KIAA0825: variants seen among roughly 807,000 people sequenced by gnomAD.
The protein encoded by KIAA0825 is KIAA0825, also known as uncharacterized protein KIAA0825.
Under a neutral mutation model 147.6 loss-of-function variants are expected in KIAA0825, and 119 were observed. That is an observed-to-expected ratio of 0.81 (90% CI 0.69 to 0.94). The LOEUF (loss-of-function observed/expected upper bound fraction) is 0.94. KIAA0825 is among the 40% of genes least tolerant of loss of function. The pLI is 0.00. For missense variants in KIAA0825, 1,381 were observed against 1,472.7 expected (o/e 0.94, Z 1.02); for synonymous variants, 470 against 518.1 (o/e 0.91, Z 1.26).
chr5:94,371,664 C>T (rs979416935), intron 20 of KIAA0825, among the ~76,000 whole-genome samples: 3 of 152,150 alleles, frequency 2.0e-5, no homozygotes, highest in Non-Finnish European at 4.4e-5. Context: ...GAGTCCCTCC[C>T]ACAACACGGG....
intron 20 of KIAA0825, among the ~76,000 whole-genome samples, chr5:94,183,374 G>C (rs1309881837): frequency 6.6e-6 from 1 of 152,176 alleles, no homozygotes; most frequent in East Asian, 1.9e-4. Flanking sequence ...GATAATAGGA[G>C]CATGTTTTGT....
At chr5:94,294,865 A>C (rs767889001) in intron 20 of KIAA0825, among the ~76,000 whole-genome samples, 2 of 152,016 alleles carry the variant, frequency 1.3e-5, no homozygotes, top group Non-Finnish European at 2.9e-5. Flanking sequence ...TGTTTCCTTC[A>C]TTTCAACCTA....
intron 20 of KIAA0825, among the ~76,000 whole-genome samples, chr5:94,342,047 T>G (rs1782447063): frequency 1.3e-5 from 2 of 151,848 alleles, no homozygotes; most frequent in Non-Finnish European, 2.9e-5. Context: ...CAAAAAGAAG[T>G]TAGCCGGGCG....
chr5:94,164,840 C>G (rs1418442695), intron 20 of KIAA0825, among the ~76,000 whole-genome samples: 1 of 151,902 alleles, frequency 6.6e-6, no homozygotes, highest in African/African-American at 2.4e-5. Context: ...CCATCTCTCG[C>G]CATATAAAAA....
intron 2 of KIAA0825, among the ~76,000 whole-genome samples, chr5:94,555,227 CAATGACTACAT>C (rs1206512196): frequency 6.6e-6 from 1 of 152,080 alleles, no homozygotes; most frequent in African/African-American, 2.4e-5. Flanking sequence ...AGCCTTCCCC[CAATGACTACAT>C]AAACACTCCA....
At chr5:94,598,937 G>A (rs536836392) in intron 1 of KIAA0825, among the ~76,000 whole-genome samples, 10 of 152,142 alleles carry the variant, frequency 6.6e-5, no homozygotes, top group African/African-American at 2.2e-4. Context: ...TAAACATGGG[G>A]GTGAAGGTAT....
At chr5:94,592,216 A>G (rs1784480403) in intron 1 of KIAA0825, among the ~76,000 whole-genome samples, 1 of 152,212 alleles carries the variant, frequency 6.6e-6, no homozygotes, top group Non-Finnish European at 1.5e-5. Flanking sequence ...TCCACCTATG[A>G]GCGTATAAAA....
chr5:94,380,914 C>T (rs938765497), intron 20 of KIAA0825, among the ~76,000 whole-genome samples: 4 of 152,204 alleles, frequency 2.6e-5, no homozygotes, highest in African/African-American at 4.8e-5. Flanking sequence ...CCTTTGCAGT[C>T]AGCACAGAAC....
chr5:94,287,654 G>A (rs1316117467), intron 20 of KIAA0825, among the ~76,000 whole-genome samples: 1 of 152,134 alleles, frequency 6.6e-6, no homozygotes. Context: ...TTTAGAAGCT[G>A]AAGAAAATTA....
chr5:94,517,248 C>T (rs1767413760), intron 5 of KIAA0825, among the ~76,000 whole-genome samples: 1 of 152,150 alleles, frequency 6.6e-6, no homozygotes, highest in Admixed American at 6.5e-5. Flanking sequence ...TTTTGGCTTA[C>T]TATCTGTGTG....
chr5:94,535,482 C>A (rs1019358759), intron 3 of KIAA0825, among the ~76,000 whole-genome samples: 1 of 134,870 alleles, frequency 7.4e-6, no homozygotes, highest in African/African-American at 3.0e-5. Flanking sequence ...TGTACTCCAG[C>A]CTGGGTGACT....
intron 20 of KIAA0825, among the ~76,000 whole-genome samples, chr5:94,177,069 T>C (rs957921336): frequency 6.6e-6 from 1 of 152,092 alleles, no homozygotes; most frequent in Non-Finnish European, 1.5e-5. Flanking sequence ...TGGAAAATGA[T>C]AGGAATAATC....
intron 5 of KIAA0825, among the ~76,000 whole-genome samples, chr5:94,511,506 G>A (rs906491174): frequency 1.3e-4 from 20 of 152,182 alleles, no homozygotes; most frequent in Non-Finnish European, 2.5e-4. Flanking sequence ...TGTAATCCCA[G>A]TTACTAGGGA....
At chr5:94,490,094 A>AG (rs1763554971) in intron 5 of KIAA0825, among the ~76,000 whole-genome samples, 1 of 152,164 alleles carries the variant, frequency 6.6e-6, no homozygotes, top group Non-Finnish European at 1.5e-5. Flanking sequence ...AACTGCTGTT[A>AG]GGAAAAAAAC....
At chr5:94,169,049 G>T (rs1333151626) in intron 20 of KIAA0825, among the ~76,000 whole-genome samples, 1 of 152,064 alleles carries the variant, frequency 6.6e-6, no homozygotes, top group Non-Finnish European at 1.5e-5. Flanking sequence ...GATTTTACTA[G>T]CCTGTGTAAA....
At chr5:94,387,697 A>C (rs1749345905) in intron 18 of KIAA0825, among the ~76,000 whole-genome samples, 1 of 151,448 alleles carries the variant, frequency 6.6e-6, no homozygotes, top group African/African-American at 2.4e-5. Flanking sequence ...CATCTCAAAA[A>C]TAAAAAAAAA....
intron 1 of KIAA0825, among the ~76,000 whole-genome samples, chr5:94,594,980 C>G (rs578028182): frequency 6.6e-6 from 1 of 152,288 alleles, no homozygotes; most frequent in Non-Finnish European, 1.5e-5. Flanking sequence ...CCTTGGGCAG[C>G]TCCACTTCTG....
intron 20 of KIAA0825, among the ~76,000 whole-genome samples, chr5:94,326,844 G>A (rs926053110): frequency 6.6e-6 from 1 of 152,212 alleles, no homozygotes; most frequent in Admixed American, 6.5e-5. Flanking sequence ...GGGCACAAAA[G>A]CACTCTGGCC....
rs552406583 is a variant in KIAA0825 at position 94,231,227 on chromosome 5, G to T, written c.3711-77103C>A. On this transcript the variant is annotated intron_variant, in intron 20 of 20. Transcript: ENST00000682413. The stretch of plus-strand genomic sequence containing the variant: ...TCAGTGTTCTATGTGTCTCAACAGG[G>T]CATCAAGGTACATCTTGGTGTTGAA... Among the ~76,000 whole-genome samples the T allele has an allele frequency of 7.2e-5, 11 of 152,116 alleles. 1 individual carries two copies. In the South Asian group the frequency reaches 1.0e-3, roughly 14 times the overall value.
Sources: allele counts gnomAD v4.1 joint callset (sites outside exome capture counted in the v4.1 genomes callset), GRCh38; gene constraint gnomAD v4.1.1; transcripts MANE v1.5; gene names NCBI Gene and HGNC (gene_info 2026-07-23, HGNC 2026-07-21).